PEAK1: variants seen among roughly 807,000 people sequenced by gnomAD.
The protein encoded by PEAK1 is pseudopodium enriched atypical kinase 1.
Under a neutral mutation model 124.7 loss-of-function variants are expected in PEAK1, and 54 were observed. The observed-to-expected ratio is 0.43, with a 90% CI of 0.35 to 0.54. PEAK1 has a LOEUF of 0.54. Ranked by LOEUF, PEAK1 falls within the 20% of genes least tolerant of loss-of-function variation. The pLI is 0.01. For synonymous variants in PEAK1, 719 were observed against 760.0 expected, an observed-to-expected ratio of 0.95 and a Z score of 0.89; for missense variants, 2,046 against 2,134.5, an observed-to-expected ratio of 0.96 and a Z score of 0.82.
intron 2 of PEAK1, chr15:77,338,219 C>T: frequency 1.5e-6 from 1 of 663,696 alleles, no homozygotes; most frequent in South Asian, 6.8e-5. Context: ...TTAATTTAGG[C>T]CACAGAAGAT....
chr15:77,203,094 A>T (rs2058451291), intron 6 of PEAK1, among the ~76,000 whole-genome samples: 1 of 152,038 alleles, frequency 6.6e-6, no homozygotes, highest in African/African-American at 2.4e-5. Flanking sequence ...ATTAAGTGAA[A>T]GTGGATCATT....
chr15:77,288,646 A>G (rs1430072202), intron 2 of PEAK1, among the ~76,000 whole-genome samples: 1 of 152,236 alleles, frequency 6.6e-6, no homozygotes, highest in African/African-American at 2.4e-5. Flanking sequence ...AGAAGAAATA[A>G]AAGTATTTCA....
chr15:77,210,235 T>G (rs1247539153), intron 6 of PEAK1, among the ~76,000 whole-genome samples: 1 of 152,248 alleles, frequency 6.6e-6, no homozygotes, highest in African/African-American at 2.4e-5. Flanking sequence ...AGTTTCCATA[T>G]ATACCAGAGA....
At chr15:77,287,652 G>A in intron 2 of PEAK1, among the ~76,000 whole-genome samples, 1 of 152,062 alleles carries the variant, frequency 6.6e-6, no homozygotes, top group Non-Finnish European at 1.5e-5. Flanking sequence ...AGGACTGGGA[G>A]GAACTCAAAT....
At chr15:77,212,844 C>CTA (rs1248906963) in intron 6 of PEAK1, among the ~76,000 whole-genome samples, 2 of 152,174 alleles carry the variant, frequency 1.3e-5, no homozygotes, top group African/African-American at 4.8e-5. Context: ...GAGAGCATTT[C>CTA]TAGCTCTTTT....
In PEAK1 at chr15:77,335,219, C is replaced by A. The variant is rs1043142065; in HGVS notation, c.-603+29944G>T. 3 of 985,460 alleles carry A rather than the reference C, an allele frequency of 3.0e-6. No homozygotes were observed. In the South Asian group the frequency reaches 1.4e-4, roughly 46 times the overall value. 61.0% of individuals were successfully genotyped at this position (985,460 alleles called of 1,614,324 possible). On this transcript the variant is annotated intron_variant, in intron 2 of 9. Transcript: ENST00000682557. ...TTAAGAGTCCTCTCTCAGAAAGATT[C>A]TCCTTCAGGGGCTCCTCCTCAATTA...
intron 9 of PEAK1, among the ~76,000 whole-genome samples, chr15:77,130,873 G>T (rs1596293804): frequency 6.6e-6 from 1 of 152,174 alleles, no homozygotes; most frequent in South Asian, 2.1e-4. Context: ...GCTAGTTAAT[G>T]AAATGAACAG....
chr15:77,151,307 T>G (rs2054603603), intron 8 of PEAK1, among the ~76,000 whole-genome samples: 1 of 152,162 alleles, frequency 6.6e-6, no homozygotes, highest in Non-Finnish European at 1.5e-5. Context: ...TGCATAAATG[T>G]CTTCTTTTGA....
In PEAK1 at chr15:77,133,162, T is replaced by C; in HGVS notation, c.3920A>G (p.Asp1307Gly). Residue 1307 changes from aspartate to glycine, a missense_variant, in exon 9 of 10, where the codon GAC (aspartate) becomes GGC (glycine). By Grantham distance (94) the Asp-to-Gly change is moderately conservative. Transcript: ENST00000682557. The surrounding 1 kb of genome is among the most constrained non-coding windows in gnomAD (Gnocchi z 4.2). The part of the protein sequence containing the change: ...ALKKLAVKCE[D>G]LFMAGQKDQL... ...GTCTTTCTGCCCAGCCATGAAAAGG[T>C]CTTCGCATTTAACAGCCAGTTTCTT... 6.2e-7 allele frequency: 1 copy of C among 1,614,130 alleles called. No individual in the cohort carries two copies. Among genetic ancestry groups the C allele is most frequent in the Non-Finnish European group, 8.5e-7 (1 of 1,180,022 alleles).
intron 1 of PEAK1, among the ~76,000 whole-genome samples, chr15:77,415,841 C>A (rs2072836928): frequency 6.6e-6 from 1 of 152,162 alleles, no homozygotes; most frequent in Admixed American, 6.5e-5. Context: ...ACCAAACACA[C>A]ACATATACAC....
intron 4 of PEAK1, among the ~76,000 whole-genome samples, chr15:77,284,457 A>G (rs1465633055): frequency 6.6e-6 from 1 of 152,202 alleles, no homozygotes; most frequent in Non-Finnish European, 1.5e-5. Context: ...AGAGCACATG[A>G]GTCAGTAGGA....
At chr15:77,216,663 C>A (rs1334646512) in intron 6 of PEAK1, among the ~76,000 whole-genome samples, 3 of 152,198 alleles carry the variant, frequency 2.0e-5, no homozygotes, top group Non-Finnish European at 4.4e-5. Flanking sequence ...AAAAATTAAT[C>A]TTGTTCTGCC....
At chr15:77,200,095 CCT>C (rs2058290622) in intron 6 of PEAK1, among the ~76,000 whole-genome samples, 1 of 152,182 alleles carries the variant, frequency 6.6e-6, no homozygotes, top group Non-Finnish European at 1.5e-5. Flanking sequence ...GTCTCTTCTG[CCT>C]CTGTCACCCT....
rs1248405223 is a variant in PEAK1, at chr15:77,276,767, T to C, written c.-275+7116A>G. Among the ~76,000 whole-genome samples the C allele has an allele frequency of 3.3e-5, 5 of 152,062 alleles. No homozygotes were observed. The East Asian group carries it at 9.6e-4, about 29-fold the overall frequency. On this transcript the variant is annotated intron_variant, in intron 5 of 9. Coordinates refer to ENST00000682557, the MANE Select transcript of PEAK1 (RefSeq NM_001385026.1). ...AAAATTATAATGCTGTATGATATGG[T>C]TCAAAATGTATGTAAAGAAAATAAA... is the stretch of plus-strand genomic sequence containing the variant.
chr15:77,305,182 G>A (rs1459894505), intron 2 of PEAK1, among the ~76,000 whole-genome samples: 1 of 120,210 alleles, frequency 8.3e-6, no homozygotes, highest in African/African-American at 2.9e-5. Context: ...AGGAAGGAAG[G>A]AAGGGAGGGA....
chr15:77,420,242 GCCGCGCTCCTGGAGCCGTGAGCACGC>G (rs1306705710), upstream of PEAK1: 9 of 150,666 alleles, frequency 6.0e-5, no homozygotes, highest in African/African-American at 2.2e-4. Context: ...TCGCCCGCTC[GCCGCGCTCCTGGAGCCGTGAGCACGC>G]GCGCGCTCAC....
chr15:77,230,353 C>A (rs550446168), intron 6 of PEAK1, among the ~76,000 whole-genome samples: 2 of 152,146 alleles, frequency 1.3e-5, no homozygotes, highest in East Asian at 3.9e-4. Flanking sequence ...GTGTGCACCA[C>A]CATACCAGGC....
chr15:77,314,023 A>G (rs2064709274), intron 2 of PEAK1, among the ~76,000 whole-genome samples: 1 of 152,092 alleles, frequency 6.6e-6, no homozygotes, highest in Non-Finnish European at 1.5e-5. Context: ...TATACCCTTG[A>G]TATGATGTGA....
intron 6 of PEAK1, among the ~76,000 whole-genome samples, chr15:77,233,090 T>TC (rs2059976787): frequency 6.6e-6 from 1 of 152,158 alleles, no homozygotes; most frequent in Non-Finnish European, 1.5e-5. Context: ...TCCAGATAAT[T>TC]CCCACTAGTG....
Sources: allele counts gnomAD v4.1 joint callset (sites outside exome capture counted in the v4.1 genomes callset), GRCh38; gene constraint gnomAD v4.1.1; non-coding constraint Gnocchi (gnomAD v3.1); transcripts MANE v1.5; gene names NCBI Gene and HGNC (gene_info 2026-07-23, HGNC 2026-07-21).